Variants in IPO11 observed in about 807,000 individuals in gnomAD.
IPO11 encodes the protein importin-11.
A neutral mutation model predicts 143.2 loss-of-function variants in IPO11; 66 were observed. The observed-to-expected ratio is 0.46, with a 90% CI of 0.38 to 0.57. IPO11 has a LOEUF of 0.57. IPO11 is among the 20% of genes least tolerant of loss of function. The probability of loss-of-function intolerance (pLI) is 0.00; values close to 1 mark genes in which losing one functional copy is unlikely to be tolerated. For synonymous variants in IPO11, 385 were observed against 377.8 expected, an observed-to-expected ratio of 1.02 and a Z score of -0.22; for missense variants, 1,026 against 1,141.0, an observed-to-expected ratio of 0.90 and a Z score of 1.45.
chr5:62,471,960 A>G (rs948245032), intron 7 of IPO11, among the ~76,000 whole-genome samples: 2 of 152,218 alleles, frequency 1.3e-5, no homozygotes, highest in African/African-American at 4.8e-5. Flanking sequence ...CAGTATTGAT[A>G]CATATTACCA....
At chr5:62,620,937 A>G (rs901498475) in intron 29 of IPO11, among the ~76,000 whole-genome samples, 1 of 152,236 alleles carries the variant, frequency 6.6e-6, no homozygotes, top group Non-Finnish European at 1.5e-5. Flanking sequence ...CTGGTTTACA[A>G]TCGAGACTTA....
intron 27 of IPO11, among the ~76,000 whole-genome samples, chr5:62,589,926 C>T (rs1461583754): frequency 6.6e-6 from 1 of 152,196 alleles, no homozygotes; most frequent in Non-Finnish European, 1.5e-5. Context: ...CTAGAGATGA[C>T]TTCTTCCAAA....
At chr5:62,619,085 T>A (rs536921621) in intron 29 of IPO11, among the ~76,000 whole-genome samples, 1 of 152,170 alleles carries the variant, frequency 6.6e-6, no homozygotes, top group African/African-American at 2.4e-5. Flanking sequence ...TAGCCAGGCA[T>A]GGTATTGCAC....
At position 62,620,202 on chromosome 5, in the gene IPO11, C is replaced by T. The variant is rs190793586; in HGVS notation, c.2764-6952C>T. Among the ~76,000 whole-genome samples the T allele has an allele frequency of 1.2e-4, 19 of 152,154 alleles. No individual in the cohort carries two copies. The East Asian group carries it at 2.5e-3, about 20-fold the overall frequency. ...CTTGGTTTTATACATTTTAGGGAGACGTGAGACTTCAGTCACATGCATTTA... is the reference window on the plus strand; with the variant it reads ...CTTGGTTTTATACATTTTAGGGAGATGTGAGACTTCAGTCACATGCATTTA... On this transcript the variant is annotated intron_variant, in intron 29 of 29. Transcript: ENST00000325324.
chr5:62,462,302 C>A (rs1745387740), intron 5 of IPO11, among the ~76,000 whole-genome samples: 3 of 151,534 alleles, frequency 2.0e-5, no homozygotes, highest in African/African-American at 7.3e-5. Flanking sequence ...TCCTTTTATT[C>A]AGTCTTGTCA....
chr5:62,472,129 G>A (rs987037636), intron 7 of IPO11, among the ~76,000 whole-genome samples: 1 of 152,112 alleles, frequency 6.6e-6, no homozygotes, highest in South Asian at 2.1e-4. Flanking sequence ...TGTTTTATTC[G>A]CTGTGACTCG....
At chr5:62,564,391 G>A (rs1244996155) in intron 27 of IPO11, among the ~76,000 whole-genome samples, 3 of 152,112 alleles carry the variant, frequency 2.0e-5, no homozygotes, top group Admixed American at 2.0e-4. Context: ...CATCCTCAAT[G>A]ATGATTTCTT....
intron 18 of IPO11, 88 bp downstream of exon 18, chr5:62,504,986 G>A (rs1741504865): frequency 2.9e-6 from 2 of 679,664 alleles, no homozygotes; most frequent in Admixed American, 3.3e-5. Context: ...AATTATCTAT[G>A]TGTTACTTAT....
intron 20 of IPO11, among the ~76,000 whole-genome samples, chr5:62,523,553 G>C (rs1289036760): frequency 6.6e-6 from 1 of 152,074 alleles, no homozygotes; most frequent in East Asian, 1.9e-4. Context: ...ATGAGAACCT[G>C]AATTATGGAG....
At chr5:62,586,768 A>AATATATATATATATATATATATAT (rs56808416) in intron 27 of IPO11, among the ~76,000 whole-genome samples, 2 of 28,906 alleles carry the variant, frequency 6.9e-5, no homozygotes, top group African/African-American at 1.3e-4. Context: ...AAAAAAAAAA[A>AATATATATATATATATATATATAT]ATATATATAT....
intron 3 of IPO11, among the ~76,000 whole-genome samples, chr5:62,445,785 GACTTACA>G (rs1304094531): frequency 6.6e-6 from 1 of 152,068 alleles, no homozygotes; most frequent in Admixed American, 6.6e-5. Context: ...ATAAATTTTT[GACTTACA>G]ACATTTTGTA....
At chr5:62,449,026 C>T (rs534193670) in intron 3 of IPO11, among the ~76,000 whole-genome samples, 4 of 152,014 alleles carry the variant, frequency 2.6e-5, no homozygotes, top group Non-Finnish European at 4.4e-5. Flanking sequence ...ATTTAATGTA[C>T]GTTTACTATT....
chr5:62,569,986 A>G lies in IPO11; in HGVS notation c.2582+8729A>G, dbSNP rs573793669. Among the ~76,000 whole-genome samples the G allele has an allele frequency of 3.3e-5, 5 of 152,296 alleles. No individual in the cohort carries two copies. In the East Asian group the frequency reaches 5.8e-4, roughly 18 times the overall value. On this transcript the variant is annotated intron_variant, in intron 27 of 29. Transcript: ENST00000325324. ...TTTTTATTTTTTGTATAAGCTATGC[A>G]TATGTATCTTTTGGCTCTTGTGAGT...
intron 21 of IPO11, among the ~76,000 whole-genome samples, chr5:62,528,252 T>C (rs1453557019): frequency 6.6e-6 from 1 of 152,196 alleles, no homozygotes; most frequent in Non-Finnish European, 1.5e-5. Context: ...TGGTCAACTT[T>C]GTCAAATGTT....
At chr5:62,569,271 G>A (rs1744058229) in intron 27 of IPO11, among the ~76,000 whole-genome samples, 1 of 152,110 alleles carries the variant, frequency 6.6e-6, no homozygotes, top group Non-Finnish European at 1.5e-5. Context: ...AATGGTATAG[G>A]CAATGAAAGA....
intron 24 of IPO11, among the ~76,000 whole-genome samples, chr5:62,544,722 C>G (rs1300526400): frequency 6.6e-6 from 1 of 152,164 alleles, no homozygotes; most frequent in African/African-American, 2.4e-5. Context: ...AGCCCAAAAT[C>G]TCCTTAAGCT....
intron 28 of IPO11, among the ~76,000 whole-genome samples, chr5:62,596,966 C>T (rs766859569): frequency 2.0e-4 from 31 of 152,174 alleles, no homozygotes; most frequent in Non-Finnish European, 2.8e-4. Context: ...TATCCTCCTT[C>T]GCAAATATCT....
intron 7 of IPO11, 37 bp downstream of exon 7, chr5:62,470,345 A>G (rs753471899): frequency 1.9e-6 from 3 of 1,575,572 alleles, no homozygotes; most frequent in Middle Eastern, 1.7e-4. Flanking sequence ...ACTTTGGGAA[A>G]GTGGTATTTT....
chr5:62,603,170 C>G (rs568966710), intron 29 of IPO11, among the ~76,000 whole-genome samples: 41 of 152,298 alleles, frequency 2.7e-4, no homozygotes, highest in African/African-American at 9.6e-4. Context: ...CACCGAACTT[C>G]TTAATAAAGA....
Sources: gnomAD v4.1 joint callset for allele counts (sites outside exome capture counted in the v4.1 genomes callset) on GRCh38, gnomAD v4.1.1 for gene constraint, MANE v1.5 for transcripts, NCBI Gene and HGNC (gene_info 2026-07-23, HGNC 2026-07-21) for gene names.